The following SNUPN variants were observed in gnomAD, a reference collection of about 807,000 sequenced individuals.
SNUPN encodes snurportin-1.
SNUPN carries 31 observed loss-of-function variants against 39.2 expected under a neutral mutation model. The ratio of observed to expected loss-of-function variants is 0.79; its 90% confidence interval spans 0.59 to 1.07. The LOEUF (loss-of-function observed/expected upper bound fraction) is 1.07, where lower values mean the gene tolerates loss of function less well. Ranked by LOEUF, SNUPN falls within the 50% of genes least tolerant of loss-of-function variation. The pLI is 0.00. For missense variants in SNUPN, 382 were observed against 434.2 expected (o/e 0.88, Z 1.07); for synonymous variants, 132 against 159.0 (o/e 0.83, Z 1.28).
Position 75,609,637 on chromosome 15 carries a change from G to A in SNUPN, c.423C>T (p.Ala141=), listed in dbSNP as rs1237465745. 6.2e-7 allele frequency: 1 copy of A among 1,612,202 alleles called. No individual in the cohort carries two copies. Among genetic ancestry groups the A allele is most frequent in the Non-Finnish European group, 8.5e-7 (1 of 1,178,978 alleles). Residue 141 remains alanine (A), a synonymous_variant, in exon 5 of 9, where the codon GCC becomes GCT. Transcript: ENST00000308588. ...TGACACAGTAGCCACTCTTGGTGTA[G>A]GCACTGGTAGAACCCTGCATGGAGA... The part of the protein sequence containing the change: ...LIVASRGSTS[A]YTKSGYCVNR...
intron 1 of SNUPN, among the ~76,000 whole-genome samples, chr15:75,623,969 C>A (rs1217135190): frequency 1.4e-5 from 2 of 146,984 alleles, no homozygotes; most frequent in Admixed American, 1.3e-4. Context: ...GCTCTGTCGC[C>A]CAGGCTGGAG....
intron 7 of SNUPN, among the ~76,000 whole-genome samples, chr15:75,603,288 T>TCA (rs1567549118): frequency 2.4e-3 from 341 of 144,258 alleles, no homozygotes; most frequent in African/African-American, 8.4e-3. Context: ...ACCTCGTGAT[T>TCA]CGCCTGTCTC....
intron 8 of SNUPN, 52 bp downstream of exon 8, chr15:75,601,086 C>G (rs1567547436): frequency 7.9e-7 from 1 of 1,270,060 alleles, no homozygotes. Flanking sequence ...GTAACTAAGT[C>G]TCTCTGCAGC....
At chr15:75,606,951 A>G (rs911888982) in intron 6 of SNUPN, among the ~76,000 whole-genome samples, 3 of 152,160 alleles carry the variant, frequency 2.0e-5, no homozygotes, top group Non-Finnish European at 4.4e-5. Flanking sequence ...TGCAGCTGCT[A>G]TCAAGTCCCA....
chr15:75,625,708 C>G lies in SNUPN; in HGVS notation c.-48G>C, dbSNP rs1019853169. The G allele has an allele frequency of 2.0e-5, 3 of 152,202 alleles. No individual in the cohort carries two copies. The highest frequency in any genetic ancestry group is 4.8e-5 in the African/African-American group (2 of 41,392). 9.4% of individuals were successfully genotyped at this position (152,202 alleles called of 1,614,324 possible). ...TCGCACGCGCCGCCGCCACCGGGGC[C>G]GACGAATCACCTGCCCTGGGAAGCT... On this transcript the variant is annotated 5_prime_UTR_variant, in exon 1 of 9. Transcript: ENST00000308588.
chr15:75,609,275 C>T (rs950639673), intron 5 of SNUPN, among the ~76,000 whole-genome samples: 1 of 149,134 alleles, frequency 6.7e-6, no homozygotes, highest in Non-Finnish European at 1.5e-5. Context: ...CTGCAAGCTC[C>T]GCTTCCTGGG....
intron 1 of SNUPN, among the ~76,000 whole-genome samples, chr15:75,623,952 G>A (rs774305176): frequency 3.6e-4 from 51 of 140,758 alleles, no homozygotes; most frequent in Non-Finnish European, 6.4e-4. Context: ...TTTTGAGACG[G>A]AGTCTCGCTC....
chr15:75,598,526 C>T lies in SNUPN; in HGVS notation c.915G>A (p.Gln305=), dbSNP rs1403522426. Residue 305 remains glutamine (Q), a synonymous_variant, in exon 9 of 9, where the codon CAG becomes CAA. Transcript: ENST00000308588. ...TCTTGTGCTCCATAATCTGCTGGAG[C>T]TGGTGCCCAGCATAGTCTGGCTTGG... The part of the protein sequence containing the change: ...LTTKPDYAGH[Q]LQQIMEHKKS... The T allele has an allele frequency of 6.2e-7, 1 of 1,614,202 alleles. No homozygotes were observed. The highest frequency in any genetic ancestry group is 8.5e-7 in the Non-Finnish European group (1 of 1,180,046).
At chr15:75,625,336 C>A (rs1183623684) in intron 1 of SNUPN, 1 of 151,224 alleles carries the variant, frequency 6.6e-6, no homozygotes, top group Non-Finnish European at 1.5e-5. Flanking sequence ...GTTTCCCTAC[C>A]CCTGCTACCG....
At chr15:75,601,010 A>G in intron 8 of SNUPN, 128 bp downstream of exon 8, 1 of 735,442 alleles carries the variant, frequency 1.4e-6, no homozygotes, top group South Asian at 1.5e-5. Flanking sequence ...TCCTTTCTCC[A>G]GAATCAGCTT....
At chr15:75,624,058 G>A (rs1893150103) in intron 1 of SNUPN, among the ~76,000 whole-genome samples, 1 of 147,124 alleles carries the variant, frequency 6.8e-6, no homozygotes. Context: ...CTCCCAAGTA[G>A]CTGGGACTAC....
chr15:75,609,317 G>A (rs2141368045), intron 5 of SNUPN, among the ~76,000 whole-genome samples: 1 of 151,334 alleles, frequency 6.6e-6, no homozygotes, highest in East Asian at 2.0e-4. Flanking sequence ...AGCCTCCCGA[G>A]TAGCTGGGAC....
chr15:75,609,168 G>A (rs1478936077), intron 5 of SNUPN, among the ~76,000 whole-genome samples: 3 of 146,178 alleles, frequency 2.1e-5, no homozygotes, highest in African/African-American at 7.4e-5. Context: ...AGCTATCAAA[G>A]TGGGTCTTTT....
In SNUPN at chr15:75,617,425, T is replaced by C; in HGVS notation, c.286A>G (p.Lys96Glu). The part of the protein sequence containing the change: ...MDIDTVKKLP[K>E]HYANQLMLSE... ...CCACTTACTTGATTAGCATAGTGTT[T>C]TGGTAACTTCTTGACAGTGTCAATG... The change falls in exon 3 of 9, where the codon AAA becomes GAA. Residue 96 changes from lysine (K) to glutamate (E), a missense_variant. Coordinates refer to ENST00000308588, the MANE Select transcript of SNUPN (RefSeq NM_005701.4). The C allele has an allele frequency of 6.2e-7, 1 of 1,614,034 alleles. No homozygotes were observed. The highest frequency in any genetic ancestry group is 8.5e-7 in the Non-Finnish European group (1 of 1,179,976).
In SNUPN at chr15:75,617,578, A is replaced by G. The variant is rs115672845; in HGVS notation, c.159-26T>C. On this transcript the variant is annotated intron_variant, in intron 2 of 8. Transcript: ENST00000308588. Reference sequence around the variant, plus strand: ...CTGGAAGGAAAAAAAAGGCATAAGGACATATCTTTTCTTCTTTTTTTTTTT... The same window carrying G: ...CTGGAAGGAAAAAAAAGGCATAAGGGCATATCTTTTCTTCTTTTTTTTTTT... The G allele has an allele frequency of 9.4e-4, 1,488 of 1,582,562 alleles. 10 individuals carry two copies. In the African/African-American group the frequency reaches 0.019, roughly 20 times the overall value.
intron 3 of SNUPN, among the ~76,000 whole-genome samples, chr15:75,613,810 G>C (rs1892861010): frequency 1.3e-5 from 2 of 152,118 alleles, no homozygotes; most frequent in Admixed American, 6.5e-5. Flanking sequence ...GGAGAAATTG[G>C]AACACTTATA....
chr15:75,616,274 T>C lies in SNUPN; in HGVS notation c.303+1134A>G, dbSNP rs1034361950. ...GAGTTCGAGACCAACCTGTCCACCATGGTGAAACCCTGTCTCTACTAAAAA... is the reference window on the plus strand; with the variant it reads ...GAGTTCGAGACCAACCTGTCCACCACGGTGAAACCCTGTCTCTACTAAAAA... On this transcript the variant is annotated intron_variant, in intron 3 of 8. Coordinates refer to ENST00000308588, the MANE Select transcript of SNUPN (RefSeq NM_005701.4). Among the ~76,000 whole-genome samples the C allele has an allele frequency of 2.0e-5, 3 of 151,408 alleles. No individual in the cohort carries two copies. In the South Asian group the frequency reaches 6.3e-4, roughly 32 times the overall value.
At chr15:75,622,460 T>C in intron 1 of SNUPN, 3 of 985,384 alleles carry the variant, frequency 3.0e-6, no homozygotes, top group Non-Finnish European at 3.6e-6. Flanking sequence ...AGATGTCATT[T>C]TGAAAACAGA....
At chr15:75,619,072 C>A (rs931547153) in intron 2 of SNUPN, among the ~76,000 whole-genome samples, 2 of 145,256 alleles carry the variant, frequency 1.4e-5, no homozygotes, top group Admixed American at 1.4e-4. Flanking sequence ...TGGCTCCTGC[C>A]TGTAATCCCA....
Sources: allele counts gnomAD v4.1 joint callset (sites outside exome capture counted in the v4.1 genomes callset), GRCh38; gene constraint gnomAD v4.1.1; transcripts MANE v1.5; gene names NCBI Gene and HGNC (gene_info 2026-07-23, HGNC 2026-07-21).